ULK2: variants seen among roughly 807,000 people sequenced by gnomAD.
ULK2 encodes unc-51 like autophagy activating kinase 2, also known as serine/threonine-protein kinase ULK2.
A neutral mutation model predicts 127.5 loss-of-function variants in ULK2; 76 were observed. The ratio of observed to expected loss-of-function variants is 0.60; its 90% confidence interval spans 0.50 to 0.72. The LOEUF is 0.72. ULK2 is among the 30% of genes least tolerant of loss of function. The probability of loss-of-function intolerance (pLI) is 0.00; values close to 1 mark genes in which losing one functional copy is unlikely to be tolerated. For synonymous variants in ULK2, 452 were observed against 461.9 expected (o/e 0.98, Z 0.28); for missense variants, 1,144 against 1,295.9 (o/e 0.88, Z 1.80).
At chr17:19,826,104 T>G (rs2041289548) in intron 11 of ULK2, 35 bp downstream of exon 11, 2 of 1,311,368 alleles carry the variant, frequency 1.5e-6, no homozygotes, top group Non-Finnish European at 2.0e-6. Context: ...CTTGCATTCA[T>G]TCTTTAAGTG....
chr17:19,791,844 C>CAAAAAAAAAA (rs58434256), intron 20 of ULK2, among the ~76,000 whole-genome samples: 21 of 48,112 alleles, frequency 4.4e-4, no homozygotes, highest in East Asian at 1.8e-3. Context: ...ACCCTGTTTA[C>CAAAAAAAAAA]AAAAAAAAAA....
intron 25 of ULK2, among the ~76,000 whole-genome samples, chr17:19,780,252 T>C (rs566349323): frequency 1.3e-5 from 2 of 152,276 alleles, no homozygotes; most frequent in South Asian, 4.2e-4. Context: ...AATAAACTTA[T>C]AGCAAATGTG....
intron 3 of ULK2, among the ~76,000 whole-genome samples, chr17:19,854,545 A>G (rs1323697660): frequency 1.3e-5 from 2 of 152,170 alleles, no homozygotes; most frequent in Non-Finnish European, 2.9e-5. Flanking sequence ...TCTTCTGTAG[A>G]TATCCTCAAA....
intron 10 of ULK2, among the ~76,000 whole-genome samples, chr17:19,829,361 C>A (rs1241845085): frequency 6.6e-6 from 1 of 151,958 alleles, no homozygotes; most frequent in East Asian, 1.9e-4. Context: ...AATGGTGAAA[C>A]CCTGTCTCCA....
Position 19,801,840 on chromosome 17 carries a change from C to T in ULK2, c.1378G>A (p.Ala460Thr). Residue 460 changes from alanine (A) to threonine (T), a missense_variant, in exon 16 of 27, where the codon GCA becomes ACA. Transcript: ENST00000395544. ...GSCSPVPADT[A>T]QTVGRRLSTG... is the part of the protein sequence containing the mutation. ...GAGAGCCTTCGTCCAACTGTCTGTG[C>T]TGTGTCTGCTGGTACTGGGGAGCAT... 3.1e-6 allele frequency: 5 copies of T among 1,614,204 alleles called. No individual in the cohort carries two copies. The highest frequency in any genetic ancestry group is 4.2e-6 in the Non-Finnish European group (5 of 1,180,012).
intron 5 of ULK2, among the ~76,000 whole-genome samples, chr17:19,849,164 T>C (rs969208379): frequency 2.6e-5 from 4 of 152,206 alleles, no homozygotes; most frequent in Admixed American, 2.6e-4. Flanking sequence ...TAAATACTTA[T>C]ATACAAGTAA....
At chr17:19,781,242 CTT>C (rs200296663) in intron 23 of ULK2, 138 bp from the exon 24 acceptor site, 26,132 of 456,218 alleles carry the variant, frequency 0.057, 11 homozygotes, top group East Asian at 0.11. Context: ...TCTTTCTTTT[CTT>C]TTTTTTTTTT....
intron 9 of ULK2, among the ~76,000 whole-genome samples, chr17:19,839,592 G>A (rs1391303983): frequency 4.0e-5 from 6 of 150,788 alleles, no homozygotes; most frequent in African/African-American, 1.5e-4. Flanking sequence ...AAACTGGGAG[G>A]TGGATGTTGC....
chr17:19,830,177 T>G (rs1338094265), intron 10 of ULK2, among the ~76,000 whole-genome samples: 1 of 152,052 alleles, frequency 6.6e-6, no homozygotes, highest in African/African-American at 2.4e-5. Context: ...AGACCACACC[T>G]TAGGCCACAA....
chr17:19,816,700 G>T (rs2040997659), intron 13 of ULK2, 49 bp downstream of exon 13: 4 of 1,462,340 alleles, frequency 2.7e-6, no homozygotes, highest in Non-Finnish European at 3.6e-6. Context: ...AAAGATGCTA[G>T]TTTAGTAGAT....
At chr17:19,837,287 T>A (rs1028859617) in intron 10 of ULK2, among the ~76,000 whole-genome samples, 1 of 151,090 alleles carries the variant, frequency 6.6e-6, no homozygotes, top group Non-Finnish European at 1.5e-5. Context: ...AGAGGTGGTG[T>A]TGTACACCTG....
chr17:19,835,210 C>T (rs2041562496), intron 10 of ULK2, among the ~76,000 whole-genome samples: 2 of 150,192 alleles, frequency 1.3e-5, no homozygotes, highest in African/African-American at 4.9e-5. Context: ...AGTGTAGTGG[C>T]GCGATCTTGG....
intron 20 of ULK2, among the ~76,000 whole-genome samples, chr17:19,787,808 T>C (rs2087066145): frequency 6.6e-6 from 1 of 152,196 alleles, no homozygotes; most frequent in Non-Finnish European, 1.5e-5. Context: ...AAAGAGGCAC[T>C]GAAGAGGGTA....
intron 13 of ULK2, chr17:19,816,484 T>C (rs2040991310): frequency 4.2e-6 from 1 of 238,218 alleles, no homozygotes; most frequent in South Asian, 1.6e-4. Context: ...TTTCTCTATT[T>C]CTTTCTGTTT....
intron 12 of ULK2, among the ~76,000 whole-genome samples, chr17:19,819,782 T>A (rs2041090447): frequency 2.0e-5 from 3 of 152,324 alleles, no homozygotes; most frequent in Admixed American, 6.5e-5. Context: ...GTGCGCTCTT[T>A]GCCTTTCTCT....
chr17:19,839,133 C>A (rs571796322), intron 9 of ULK2, among the ~76,000 whole-genome samples: 1 of 152,134 alleles, frequency 6.6e-6, no homozygotes, highest in South Asian at 2.1e-4. Context: ...TGAGTATCTG[C>A]AGGAGTAAGG....
intron 2 of ULK2, among the ~76,000 whole-genome samples, chr17:19,865,421 G>A (rs1390818514): frequency 6.6e-6 from 1 of 152,064 alleles, no homozygotes; most frequent in East Asian, 1.9e-4. Context: ...ACATGAAAGG[G>A]GACAACAGGA....
In ULK2 at chr17:19,804,814, C is replaced by A; in HGVS notation, c.1174G>T (p.Val392Leu). ...GGTGCTGTTTCGCTGTGAGGTGACA[C>A]AGTAGGCTGACACTGCCTGCAATCG... The part of the protein sequence containing the change: ...LVCGGQCQPT[V>L]SPHSETAPIP... The change falls in exon 15 of 27, where the codon GTG (valine) becomes TTG (leucine). Residue 392 changes from valine to leucine, a missense_variant. By Grantham distance (32) the Val-to-Leu change is conservative. Transcript: ENST00000395544. 6.2e-7 allele frequency: 1 copy of A among 1,612,216 alleles called. No homozygotes were observed. Among genetic ancestry groups the A allele is most frequent in the South Asian group, 1.1e-5 (1 of 90,660 alleles).
intron 7 of ULK2, 56 bp from the exon 8 acceptor site, chr17:19,843,278 C>T: frequency 3.1e-5 from 35 of 1,120,990 alleles, no homozygotes; most frequent in Non-Finnish European, 4.2e-5. Flanking sequence ...AATTAATATG[C>T]ACATATTAAT....
Sources: allele counts gnomAD v4.1 joint callset (sites outside exome capture counted in the v4.1 genomes callset), GRCh38; gene constraint gnomAD v4.1.1; transcripts MANE v1.5; gene names NCBI Gene and HGNC (gene_info 2026-07-23, HGNC 2026-07-21).